The following RPS6KA2 variants were observed in gnomAD, a reference collection of about 807,000 sequenced individuals.
The protein encoded by RPS6KA2 is ribosomal protein S6 kinase alpha-2.
RPS6KA2 carries 42 observed loss-of-function variants against 91.8 expected under a neutral mutation model. That is an observed-to-expected ratio of 0.46 (90% CI 0.36 to 0.59). The LOEUF (loss-of-function observed/expected upper bound fraction) is 0.59, where lower values mean the gene tolerates loss of function less well. Among genes scored for constraint, RPS6KA2 ranks in the 20% least tolerant of loss-of-function variants. The pLI is 0.00. For missense variants in RPS6KA2, 798 were observed against 978.5 expected (o/e 0.82, Z 2.46); for synonymous variants, 414 against 393.6 (o/e 1.05, Z -0.61).
intron 6 of RPS6KA2, 29 bp downstream of exon 6, chr6:166,504,477 G>A: frequency 7.4e-7 from 1 of 1,350,642 alleles, no homozygotes; most frequent in Non-Finnish European, 1.1e-6. Context: ...TGGGCGTGGG[G>A]AAGTCAGCCC....
intron 1 of RPS6KA2, among the ~76,000 whole-genome samples, chr6:166,589,975 G>T (rs1338520251): frequency 6.6e-6 from 1 of 152,108 alleles, no homozygotes; most frequent in East Asian, 1.9e-4. Flanking sequence ...AGAACAGGAA[G>T]GGCCAGAGGA....
At chr6:166,546,352 A>G (rs1413273113) in intron 1 of RPS6KA2, among the ~76,000 whole-genome samples, 1 of 152,292 alleles carries the variant, frequency 6.6e-6, no homozygotes, top group East Asian at 1.9e-4. Context: ...GGCTGAATAC[A>G]TCTGTATTAT....
chr6:166,696,414 G>C (rs1420458574), intron 2 of RPS6KA2, among the ~76,000 whole-genome samples: 1 of 152,166 alleles, frequency 6.6e-6, no homozygotes, highest in Non-Finnish European at 1.5e-5. Flanking sequence ...CTGAGCTTCA[G>C]ACTAATATCT....
intron 2 of RPS6KA2, among the ~76,000 whole-genome samples, chr6:166,817,165 G>A (rs566295660): frequency 7.3e-4 from 110 of 151,108 alleles, no homozygotes; most frequent in African/African-American, 2.4e-3. Flanking sequence ...AATCAGACCT[G>A]AAGGCCAAAA....
chr6:166,412,875 C>T lies in RPS6KA2; in HGVS notation c.2089G>A (p.Ala697Thr). 1.3e-6 allele frequency: 2 copies of T among 1,555,948 alleles called. No homozygotes were observed. Among genetic ancestry groups the T allele is most frequent in the East Asian group, 2.4e-5 (1 of 41,744 alleles). The change falls in exon 21 of 21, where the codon GCC (alanine) becomes ACC (threonine). Residue 697 changes from alanine (A) to threonine (T), a missense_variant. Coordinates refer to ENST00000265678, the MANE Select transcript of RPS6KA2 (RefSeq NM_021135.6). The surrounding 1 kb of genome is among the most constrained non-coding windows in gnomAD (Gnocchi z 4.3). ...DVHLVKGAMAATYFALNRTPQ... is the reference protein window; with the variant it reads ...DVHLVKGAMATTYFALNRTPQ... ...GTTCTGTTTAGAGCAAAGTAGGTGG[C>T]GGCCATCGCGCCCTGCAAAACAGAA...
intron 10 of RPS6KA2, among the ~76,000 whole-genome samples, chr6:166,481,446 T>G (rs1252436728): frequency 6.6e-6 from 1 of 152,346 alleles, no homozygotes; most frequent in South Asian, 2.1e-4. Context: ...CTTAAAGTAT[T>G]TGCTGCAGAG....
intron 2 of RPS6KA2, among the ~76,000 whole-genome samples, chr6:166,842,523 G>A (rs2128630283): frequency 6.6e-6 from 1 of 152,328 alleles, no homozygotes; most frequent in South Asian, 2.1e-4. Flanking sequence ...CTCCAGAACG[G>A]TGAGGGAGTG....
At chr6:166,580,156 A>C (rs1352808352) in intron 1 of RPS6KA2, among the ~76,000 whole-genome samples, 1 of 152,226 alleles carries the variant, frequency 6.6e-6, no homozygotes, top group Non-Finnish European at 1.5e-5. Flanking sequence ...TGCCCACTGA[A>C]CTTCCAGTCT....
At chr6:166,657,994 A>G (rs1400782847) in intron 2 of RPS6KA2, among the ~76,000 whole-genome samples, 1 of 152,074 alleles carries the variant, frequency 6.6e-6, no homozygotes, top group African/African-American at 2.4e-5. Context: ...AGCGAGTCTC[A>G]TGGCTCAGCC....
At chr6:166,698,805 T>C (rs145715581) in intron 2 of RPS6KA2, among the ~76,000 whole-genome samples, 22 of 152,308 alleles carry the variant, frequency 1.4e-4, no homozygotes, top group African/African-American at 5.3e-4. Context: ...CACTGTGGCT[T>C]TTTAACCAGC....
intron 2 of RPS6KA2, among the ~76,000 whole-genome samples, chr6:166,812,893 A>G (rs1386686625): frequency 6.6e-6 from 1 of 152,160 alleles, no homozygotes; most frequent in Non-Finnish European, 1.5e-5. Flanking sequence ...AATAGCACCA[A>G]GACAGTTTTC....
rs1421594056 is a variant in RPS6KA2, at chr6:166,639,467, C to T, written c.124-100683G>A. Among the ~76,000 whole-genome samples, 1 of 152,202 alleles carries T rather than the reference C, an allele frequency of 6.6e-6. No individual in the cohort carries two copies. ...CCCTACAACCCACCTGTGGTCCTGC[C>T]ACCAGCCTGATCCTTCTAGAAGCGA... On this transcript the variant is annotated intron_variant, in intron 2 of 21. Transcript: ENST00000503859. The surrounding 1 kb of genome is among the most constrained non-coding windows in gnomAD (Gnocchi z 4.2).
intron 2 of RPS6KA2, among the ~76,000 whole-genome samples, chr6:166,777,811 T>G (rs1392579825): frequency 6.6e-6 from 1 of 152,080 alleles, no homozygotes; most frequent in African/African-American, 2.4e-5. Flanking sequence ...CAGAAAATAA[T>G]TTTAAATGAT....
chr6:166,595,607 C>T (rs1785510551), intron 1 of RPS6KA2, among the ~76,000 whole-genome samples: 1 of 152,226 alleles, frequency 6.6e-6, no homozygotes, highest in Non-Finnish European at 1.5e-5. Context: ...CAGGCAGACA[C>T]ATATTTTTAT....
At chr6:166,581,332 C>T (rs1011412229) in intron 1 of RPS6KA2, among the ~76,000 whole-genome samples, 13 of 152,178 alleles carry the variant, frequency 8.5e-5, no homozygotes, top group Admixed American at 2.0e-4. Flanking sequence ...CGGAGAATGC[C>T]GACAGCACCT....
intron 2 of RPS6KA2, among the ~76,000 whole-genome samples, chr6:166,841,062 A>G (rs991133068): frequency 1.3e-5 from 2 of 151,856 alleles, no homozygotes; most frequent in Non-Finnish European, 2.9e-5. Flanking sequence ...TGGTAGGATC[A>G]CTTGAGGTTG....
intron 2 of RPS6KA2, among the ~76,000 whole-genome samples, chr6:166,754,497 A>G (rs1777940301): frequency 6.6e-6 from 1 of 152,158 alleles, no homozygotes. Context: ...GCCCTGCTGC[A>G]CAGGGGGTTG....
intron 2 of RPS6KA2, among the ~76,000 whole-genome samples, chr6:166,843,349 C>T (rs1780533814): frequency 6.6e-6 from 1 of 152,212 alleles, no homozygotes. Flanking sequence ...CCCTGACCAC[C>T]TCTGGAGAAA....
chr6:166,701,586 T>C, intron 2 of RPS6KA2: 4 of 1,365,178 alleles, frequency 2.9e-6, no homozygotes, highest in Admixed American at 3.4e-5. Flanking sequence ...CTCTGACTGA[T>C]AGAGCCGGGA....
Sources: allele counts gnomAD v4.1 joint callset (sites outside exome capture counted in the v4.1 genomes callset), GRCh38; gene constraint gnomAD v4.1.1; non-coding constraint Gnocchi (gnomAD v3.1); transcripts MANE v1.5; gene names NCBI Gene and HGNC (gene_info 2026-07-23, HGNC 2026-07-21).